The following TANC2 variants were observed in gnomAD, a reference collection of about 807,000 sequenced individuals.
The protein encoded by TANC2 is protein TANC2.
In TANC2, 26 loss-of-function variants were observed where a neutral mutation model predicts 210.5. The ratio of observed to expected loss-of-function variants is 0.12; its 90% CI spans 0.09 to 0.17. The LOEUF is 0.17. Among genes scored for constraint, TANC2 ranks in the 10% least tolerant of loss-of-function variants. The pLI is 1.00. For synonymous variants in TANC2, 931 were observed against 967.1 expected (o/e 0.96, Z 0.69); for missense variants, 2,129 against 2,608.9 (o/e 0.82, Z 4.01).
At chr17:63,347,931 A>G (rs1160736397) in intron 12 of TANC2, among the ~76,000 whole-genome samples, 1 of 151,956 alleles carries the variant, frequency 6.6e-6, no homozygotes, top group African/African-American at 2.4e-5. Context: ...ATACTTGGCT[A>G]ATTTTTTTCT....
chr17:63,079,394 C>T (rs2036687380), intron 3 of TANC2, among the ~76,000 whole-genome samples: 1 of 152,080 alleles, frequency 6.6e-6, no homozygotes, highest in South Asian at 2.1e-4. Context: ...CACAGTTTGC[C>T]CACTATTGTT....
At chr17:63,415,784 T>G in intron 26 of TANC2, 110 bp downstream of exon 26, 1 of 1,345,880 alleles carries the variant, frequency 7.4e-7, no homozygotes, top group South Asian at 1.4e-5. Context: ...CATTTGGAAC[T>G]TGGTTGTCCT....
At chr17:63,062,858 C>T (rs1341279276) in intron 2 of TANC2, among the ~76,000 whole-genome samples, 1 of 152,164 alleles carries the variant, frequency 6.6e-6, no homozygotes, top group Non-Finnish European at 1.5e-5. Context: ...TTCCCCACCA[C>T]GCAATTCTTC....
chr17:63,049,224 A>G (rs556925780), intron 2 of TANC2, among the ~76,000 whole-genome samples: 3 of 152,332 alleles, frequency 2.0e-5, no homozygotes, highest in African/African-American at 7.2e-5. Context: ...TGAATATAAA[A>G]TTATTTGTCC....
At chr17:62,977,842 C>G (rs931314935) in intron 1 of TANC2, among the ~76,000 whole-genome samples, 3 of 152,068 alleles carry the variant, frequency 2.0e-5, no homozygotes, top group African/African-American at 7.2e-5. Flanking sequence ...TTAACCAACA[C>G]TTTGATAAGG....
intron 4 of TANC2, among the ~76,000 whole-genome samples, chr17:63,147,718 A>G (rs1399177188): frequency 6.6e-6 from 1 of 152,206 alleles, no homozygotes; most frequent in Non-Finnish European, 1.5e-5. Context: ...TTTAACTTCC[A>G]TTCTGTACCA....
intron 3 of TANC2, among the ~76,000 whole-genome samples, chr17:63,085,219 G>GT (rs2036915473): frequency 6.6e-6 from 1 of 152,092 alleles, no homozygotes; most frequent in African/African-American, 2.4e-5. Flanking sequence ...TTTAAAGTTA[G>GT]TTTTTTGTAA....
chr17:63,170,434 TA>T (rs761783557), intron 5 of TANC2, among the ~76,000 whole-genome samples: 911 of 133,036 alleles, frequency 6.8e-3, no homozygotes, highest in Middle Eastern at 7.7e-3. Context: ...AGATTCCATT[TA>T]AAAAAAAAAA....
chr17:63,358,376 A>AGAGTGTGTGTGTGTGTGT (rs1470682571), intron 14 of TANC2, among the ~76,000 whole-genome samples: 8 of 80,940 alleles, frequency 9.9e-5, no homozygotes, highest in African/African-American at 2.6e-4. Flanking sequence ...AGAGAGAGAG[A>AGAGTGTGTGTGTGTGTGT]GTATGTGTGT....
chr17:63,051,287 C>A (rs8067573), intron 2 of TANC2, among the ~76,000 whole-genome samples: 2 of 152,144 alleles, frequency 1.3e-5, no homozygotes, highest in African/African-American at 4.8e-5. Flanking sequence ...TTAGATTTCT[C>A]TAAGTGACCT....
At chr17:63,090,261 G>A (rs8077770) in intron 3 of TANC2, among the ~76,000 whole-genome samples, 3,067 of 142,136 alleles carry the variant, frequency 0.022, 100 homozygotes, top group African/African-American at 0.075. Flanking sequence ...TGTGCACAAT[G>A]TGCAGGTTTG....
intron 6 of TANC2, 45 bp downstream of exon 6, chr17:63,194,184 C>G: frequency 1.3e-6 from 2 of 1,569,516 alleles, no homozygotes; most frequent in Non-Finnish European, 1.7e-6. Flanking sequence ...TGTGAATCAG[C>G]TTATTATGCC....
At chr17:63,261,822 A>G (rs2043365810) in intron 8 of TANC2, among the ~76,000 whole-genome samples, 1 of 152,226 alleles carries the variant, frequency 6.6e-6, no homozygotes, top group Non-Finnish European at 1.5e-5. Flanking sequence ...TCAGCACAAC[A>G]AACTCTGTAT....
chr17:63,029,453 A>AAC (rs10693660), intron 2 of TANC2, among the ~76,000 whole-genome samples: 146,408 of 152,186 alleles, frequency 0.96, 70,440 homozygotes, highest in East Asian at 1. Flanking sequence ...AGAAAGTCAT[A>AAC]ATTATTCTGG....
At chr17:63,329,923 T>G (rs1209643894) in intron 11 of TANC2, among the ~76,000 whole-genome samples, 1 of 152,186 alleles carries the variant, frequency 6.6e-6, no homozygotes, top group Non-Finnish European at 1.5e-5. Flanking sequence ...GAGGAAGGCA[T>G]GTCAAAAACC....
chr17:63,327,837 A>C (rs1280552438), intron 11 of TANC2, among the ~76,000 whole-genome samples: 2 of 152,126 alleles, frequency 1.3e-5, no homozygotes, highest in African/African-American at 2.4e-5. Context: ...GGTTAGTTAC[A>C]TATGTATACA....
chr17:63,367,536 A>G (rs951414242), intron 14 of TANC2, among the ~76,000 whole-genome samples: 2 of 152,204 alleles, frequency 1.3e-5, no homozygotes, highest in Admixed American at 6.5e-5. Context: ...AAAGTCAGAC[A>G]CAGCAACCAA....
At chr17:63,129,813 A>G (rs558848531) in intron 4 of TANC2, among the ~76,000 whole-genome samples, 91 of 152,326 alleles carry the variant, frequency 6.0e-4, no homozygotes, top group African/African-American at 2.1e-3. Context: ...TTGTGTGCAT[A>G]TGATGAGCAC....
intron 2 of TANC2, among the ~76,000 whole-genome samples, chr17:63,050,371 A>G (rs984398836): frequency 1.3e-5 from 2 of 151,970 alleles, no homozygotes; most frequent in Non-Finnish European, 1.5e-5. Context: ...AAAAAAAAAA[A>G]AAAAGAAAGA....
Sources: allele counts gnomAD v4.1 joint callset (sites outside exome capture counted in the v4.1 genomes callset), GRCh38; gene constraint gnomAD v4.1.1; transcripts MANE v1.5; gene names NCBI Gene and HGNC (gene_info 2026-07-23, HGNC 2026-07-21).